The following DCDC2C variants were observed in gnomAD, a reference collection of about 807,000 sequenced individuals.
DCDC2C encodes the protein doublecortin domain containing 2C, also known as doublecortin domain-containing protein 2C.
A neutral mutation model predicts 45.0 loss-of-function variants in DCDC2C; 44 were observed. That is an observed-to-expected ratio of 0.98 (90% CI 0.77 to 1.26). The LOEUF (loss-of-function observed/expected upper bound fraction) is 1.26, where lower values mean the gene tolerates loss of function less well. Among genes scored for constraint, DCDC2C ranks in the 50% most tolerant of loss-of-function variants. DCDC2C has a pLI of 0.00. For synonymous variants in DCDC2C, 187 were observed against 178.8 expected (o/e 1.05, Z -0.37); for missense variants, 447 against 468.9 (o/e 0.95, Z 0.43).
At chr2:3,777,560 TTAAAA>T (rs1416536154) in intron 8 of DCDC2C, among the ~76,000 whole-genome samples, 1 of 152,252 alleles carries the variant, frequency 6.6e-6, no homozygotes, top group Non-Finnish European at 1.5e-5. Flanking sequence ...TGATTATTCT[TTAAAA>T]TAATGTGTTT....
intron 7 of DCDC2C, 110 bp from the exon 8 acceptor site, chr2:3,769,201 C>G (rs78928041): frequency 9.6e-7 from 1 of 1,043,312 alleles, no homozygotes; most frequent in African/African-American, 1.6e-5. Flanking sequence ...GTGGCCTGCC[C>G]GAAGCTCCAG....
chr2:3,766,583 G>T (rs1017530745), intron 6 of DCDC2C, among the ~76,000 whole-genome samples: 1 of 152,192 alleles, frequency 6.6e-6, no homozygotes, highest in African/African-American at 2.4e-5. Context: ...GCATGTATAA[G>T]GTTGGAGGGC....
At chr2:3,807,801 C>G (rs1671290265) in intron 10 of DCDC2C, among the ~76,000 whole-genome samples, 1 of 152,130 alleles carries the variant, frequency 6.6e-6, no homozygotes, top group Non-Finnish European at 1.5e-5. Flanking sequence ...TTACCCTTTT[C>G]AGAGTGTCAT....
chr2:3,718,132 A>C (rs1668394866), intron 2 of DCDC2C, among the ~76,000 whole-genome samples: 1 of 152,264 alleles, frequency 6.6e-6, no homozygotes, highest in Admixed American at 6.5e-5. Flanking sequence ...AACTCAGCAC[A>C]GTTCCTACCA....
intron 10 of DCDC2C, among the ~76,000 whole-genome samples, chr2:3,813,020 A>G (rs1428947202): frequency 7.0e-6 from 1 of 143,204 alleles, no homozygotes; most frequent in African/African-American, 2.5e-5. Flanking sequence ...AATAAGTGCT[A>G]TGTGGCACTG....
rs538403846 is a variant in DCDC2C, at chr2:3,717,328, C to G, written c.339+8728C>G. On this transcript the variant is annotated intron_variant, in intron 2 of 10. Transcript: ENST00000399143. ...TGTCCAAGTTTGAACTCATTGGCCTCTGACTCCAAACCCAATTGTTATTTT... is the reference window on the plus strand; with the variant it reads ...TGTCCAAGTTTGAACTCATTGGCCTGTGACTCCAAACCCAATTGTTATTTT... Among the ~76,000 whole-genome samples, 5 of 152,342 alleles carry G rather than the reference C, an allele frequency of 3.3e-5. No individual in the cohort carries two copies. The East Asian group carries it at 9.6e-4, about 29-fold the overall frequency.
intron 10 of DCDC2C, among the ~76,000 whole-genome samples, chr2:3,833,434 G>C (rs925393090): frequency 6.6e-6 from 1 of 152,202 alleles, no homozygotes; most frequent in Admixed American, 6.5e-5. Flanking sequence ...GACACAAGTA[G>C]GTCTTTCATT....
In DCDC2C at chr2:3,740,804, CATATT is replaced by C. The variant is rs59972101; in HGVS notation, c.417-1114_417-1110del. ...AATGGACTCTCTTTATGGTGACAAA[CATATT>C]AAATTAAGATTTATATTTACTCTAA... On this transcript the variant is annotated intron_variant, in intron 3 of 10. Transcript: ENST00000399143. 3.5e-3 allele frequency among the ~76,000 whole-genome samples: 527 copies of C among 152,074 alleles called. 3 individuals carry two copies. Among genetic ancestry groups the C allele is most frequent in the Middle Eastern group, 0.014 (4 of 294 alleles).
chr2:3,776,496 C>T (rs1242948264), intron 8 of DCDC2C, among the ~76,000 whole-genome samples: 2 of 152,230 alleles, frequency 1.3e-5, no homozygotes, highest in East Asian at 1.9e-4. Flanking sequence ...CCCGGCCACT[C>T]GCTTTTCCTT....
chr2:3,834,706 G>A (rs1440807397), intron 10 of DCDC2C, among the ~76,000 whole-genome samples: 1 of 152,120 alleles, frequency 6.6e-6, no homozygotes, highest in Non-Finnish European at 1.5e-5. Context: ...CATGTCAAAG[G>A]GCTATTAAGC....
rs1180731635 is a variant in DCDC2C at position 3,769,403 on chromosome 2, G to GCACAATGTGCAGC, written c.946_947insCACAATGTGCAGC (p.Val316AlafsTer11). ...GCACAATGTGCAGCTGGAGGTGCCT[G>GCACAATGTGCAGC]TGGACCAGGTGGGTGTCCGGGGTCC... On this transcript the variant is annotated frameshift_variant, in exon 8 of 11. Coordinates refer to ENST00000399143, the MANE Select transcript of DCDC2C (RefSeq NM_001287444.2). LOFTEE classifies it high-confidence loss of function. 6.5e-7 allele frequency: 1 copy of GCACAATGTGCAGC among 1,550,366 alleles called. No homozygotes were observed. The highest frequency in any genetic ancestry group is 8.7e-7 in the Non-Finnish European group (1 of 1,146,876).
intron 10 of DCDC2C, among the ~76,000 whole-genome samples, chr2:3,843,390 C>G (rs779330293): frequency 6.6e-6 from 1 of 152,086 alleles, no homozygotes. Context: ...GTGAATGTGC[C>G]GAGTTCTCCA....
chr2:3,815,210 A>G (rs1671524231), intron 10 of DCDC2C, among the ~76,000 whole-genome samples: 1 of 152,224 alleles, frequency 6.6e-6, no homozygotes, highest in Admixed American at 6.5e-5. Flanking sequence ...GCACAGTTCC[A>G]TGGAAAAAGC....
At chr2:3,746,921 G>A (rs1302154948) in intron 4 of DCDC2C, among the ~76,000 whole-genome samples, 1 of 152,118 alleles carries the variant, frequency 6.6e-6, no homozygotes, top group African/African-American at 2.4e-5. Flanking sequence ...GAGGTGTTCT[G>A]GGGTGGGGGG....
In DCDC2C at chr2:3,761,281, C is replaced by T. The variant is rs185328801; in HGVS notation, c.727-6473C>T. Among the ~76,000 whole-genome samples, 1 of 152,290 alleles carries T rather than the reference C, an allele frequency of 6.6e-6. No individual in the cohort carries two copies. Among genetic ancestry groups the T allele is most frequent in the African/African-American group, 2.4e-5 (1 of 41,554 alleles). ...ATTGTATTTATATCACATCTGCAAT[C>T]AGAACATTAATATTAAATTCTTCTG... On this transcript the variant is annotated intron_variant, in intron 6 of 10. Coordinates refer to ENST00000399143, the MANE Select transcript of DCDC2C (RefSeq NM_001287444.2). This position sits in a 1 kb window ranked among gnomAD's most constrained non-coding sequence, Gnocchi z 4.3.
intron 10 of DCDC2C, among the ~76,000 whole-genome samples, chr2:3,842,247 C>T (rs905257152): frequency 4.6e-5 from 7 of 151,896 alleles, no homozygotes; most frequent in East Asian, 3.9e-4. Flanking sequence ...AAGAAAGTCT[C>T]GTAAGAGAGA....
chr2:3,790,818 T>G (rs17018068), intron 10 of DCDC2C, among the ~76,000 whole-genome samples: 15,179 of 152,102 alleles, frequency 0.1, 1,037 homozygotes, highest in East Asian at 0.3. Context: ...AGAAAATTAT[T>G]TGGTTCTAGG....
At chr2:3,724,581 T>C (rs1051500232) in intron 2 of DCDC2C, among the ~76,000 whole-genome samples, 1 of 152,224 alleles carries the variant, frequency 6.6e-6, no homozygotes, top group Admixed American at 6.5e-5. Flanking sequence ...CATGGCACTT[T>C]CGTAGATGAC....
intron 3 of DCDC2C, among the ~76,000 whole-genome samples, chr2:3,741,188 C>A (rs1042649101): frequency 6.6e-6 from 1 of 151,998 alleles, no homozygotes; most frequent in South Asian, 2.1e-4. Flanking sequence ...ATTGAAGTTG[C>A]CTTAAAACTC....
Sources: allele counts gnomAD v4.1 joint callset (sites outside exome capture counted in the v4.1 genomes callset), GRCh38; gene constraint gnomAD v4.1.1; non-coding constraint Gnocchi (gnomAD v3.1); transcripts MANE v1.5; gene names NCBI Gene and HGNC (gene_info 2026-07-23, HGNC 2026-07-21).